The following RFPL4A variants were observed in gnomAD, a reference collection of about 807,000 sequenced individuals.
RFPL4A encodes ret finger protein like 4A.
Under a neutral mutation model 8.3 loss-of-function variants are expected in RFPL4A, and 4 were observed. The observed-to-expected ratio is 0.48, with a 90% CI of 0.24 to 1.10. The LOEUF is 1.10. Ranked by LOEUF, RFPL4A falls within the 50% of genes least tolerant of loss-of-function variation. The pLI, the probability that RFPL4A is intolerant of heterozygous loss-of-function variation, is 0.18. For missense variants in RFPL4A, 111 were observed against 358.7 expected (o/e 0.31, Z 5.58); for synonymous variants, 43 against 136.6 (o/e 0.31, Z 4.78).
chr19:55,762,003 G>A lies in RFPL4A; in HGVS notation c.203G>A (p.Arg68Lys). The A allele has an allele frequency of 6.6e-7, 1 of 1,512,050 alleles. No homozygotes were observed. The highest frequency in any genetic ancestry group is 9.0e-7 in the Non-Finnish European group (1 of 1,117,298). 93.7% of individuals were successfully genotyped at this position (1,512,050 alleles called of 1,614,324 possible). A position where few individuals can be genotyped will look rare whatever the true frequency, so the allele number is the denominator to read the frequency against. ...GACATCAAGCCCAAGTACAAGCTGA[G>A]GGCGCTGGTTTCCATCATCAAGGAA... ...KDDIKPKYKL[R>K]ALVSIIKELE... Residue 68 changes from arginine (R) to lysine (K), a missense_variant, in exon 2 of 3, where the codon AGG becomes AAG. Physicochemically the swap from Arg to Lys is conservative, Grantham distance 26. Coordinates refer to ENST00000434937, the MANE Select transcript of RFPL4A (RefSeq NM_001145014.2).
chr19:55,757,548 C>A (rs957237141), upstream of RFPL4A, among the ~76,000 whole-genome samples: 1 of 151,940 alleles, frequency 6.6e-6, no homozygotes, highest in African/African-American at 2.4e-5. Context: ...ACACAGAAGA[C>A]CCCTAAAGTA....
upstream of RFPL4A, among the ~76,000 whole-genome samples, chr19:55,757,905 A>C (rs1474114660): frequency 6.6e-6 from 1 of 152,086 alleles, no homozygotes; most frequent in African/African-American, 2.4e-5. Flanking sequence ...GGAAGCAGAT[A>C]AAAATTAAAA....
In RFPL4A at chr19:55,761,347, A is replaced by C. The variant is rs1388499984; in HGVS notation, c.-9-445A>C. On this transcript the variant is annotated intron_variant, in intron 1 of 2. Coordinates refer to ENST00000434937, the MANE Select transcript of RFPL4A (RefSeq NM_001145014.2). The stretch of plus-strand genomic sequence containing the variant: ...AGCCTAATGAATTTTAACTCAAAAT[A>C]TAATATCGTTTAACATGTGAGCAAC... Among the ~76,000 whole-genome samples the C allele has an allele frequency of 3.6e-5, 5 of 137,938 alleles. 1 individual carries two copies. The South Asian group carries it at 1.1e-3, about 32-fold the overall frequency. The allele number at this position is 137,938 out of a possible 152,430, so 90.5% of individuals were successfully genotyped here.
At chr19:55,758,421 A>T (rs1449295618), upstream of RFPL4A, among the ~76,000 whole-genome samples, 115 of 151,992 alleles carry the variant, frequency 7.6e-4, no homozygotes, top group Middle Eastern at 3.4e-3. Flanking sequence ...GATCACCTAT[A>T]ATATATTTAA....
chr19:55,760,304 G>C, intron 1 of RFPL4A, among the ~76,000 whole-genome samples: 1 of 151,498 alleles, frequency 6.6e-6, no homozygotes, highest in East Asian at 2.0e-4. Context: ...GGATGCCAGA[G>C]AGACCCCAGT....
intron 1 of RFPL4A, among the ~76,000 whole-genome samples, chr19:55,761,325 C>T (rs1989277863): frequency 7.3e-6 from 1 of 137,178 alleles, no homozygotes; most frequent in Non-Finnish European, 1.6e-5. Context: ...CAAAACAAGC[C>T]TAATGAATTT....
At chr19:55,762,327 G>A (rs71256873) in intron 2 of RFPL4A, among the ~76,000 whole-genome samples, 5,101 of 149,448 alleles carry the variant, frequency 0.034, 315 homozygotes, top group African/African-American at 0.047. Flanking sequence ...TAAATGGAAA[G>A]CTAATTTTCA....
chr19:55,761,766 A>G (rs1989287225), intron 1 of RFPL4A, 26 bp from the exon 2 acceptor site: 1 of 1,416,448 alleles, frequency 7.1e-7, no homozygotes, highest in Admixed American at 2.0e-5. Flanking sequence ...GGAAATTCTA[A>G]TTCTGTGTTC....
At position 55,762,289 on chromosome 19, in the gene RFPL4A, C is replaced by A. The variant is rs2616956; in HGVS notation, c.286+203C>A. 1.2e-3 allele frequency among the ~76,000 whole-genome samples: 179 copies of A among 150,544 alleles called. 4 individuals carry two copies. The highest frequency in any genetic ancestry group is 1.4e-3 in the Non-Finnish European group (92 of 67,762). ...TGTAGAATACTTTGGAGAGCAAGCT[C>A]CTGTCTTCTTTCTTGTATCATATGT... On this transcript the variant is annotated intron_variant, in intron 2 of 2. Transcript: ENST00000434937.
At chr19:55,757,372 A>AT (rs199634619), upstream of RFPL4A, among the ~76,000 whole-genome samples, 5 of 151,912 alleles carry the variant, frequency 3.3e-5, no homozygotes, top group Non-Finnish European at 2.9e-5. Context: ...TTAAAGTATA[A>AT]TTAAAAAAAA....
chr19:55,757,506 A>C (rs971909674), upstream of RFPL4A, among the ~76,000 whole-genome samples: 5 of 152,128 alleles, frequency 3.3e-5, no homozygotes, highest in African/African-American at 1.2e-4. Context: ...GACCTCGCTG[A>C]CTGGGATGTT....
chr19:55,761,642 T>C (rs1237409335), intron 1 of RFPL4A, 150 bp from the exon 2 acceptor site: 27 of 1,168,780 alleles, frequency 2.3e-5, no homozygotes, highest in Non-Finnish European at 3.1e-5. Context: ...TTGACATTTG[T>C]ATTCATGTTG....
At chr19:55,761,268 A>G (rs1395876468) in intron 1 of RFPL4A, among the ~76,000 whole-genome samples, 1 of 138,772 alleles carries the variant, frequency 7.2e-6, no homozygotes, top group Non-Finnish European at 1.6e-5. Context: ...AAGATAACCC[A>G]TATATGTAAT....
upstream of RFPL4A, among the ~76,000 whole-genome samples, chr19:55,757,743 C>G (rs1188152847): frequency 1.3e-5 from 2 of 152,116 alleles, no homozygotes; most frequent in African/African-American, 4.8e-5. Flanking sequence ...AAGAACTCCT[C>G]TCCCAAGACA....
chr19:55,763,237 A>T lies in RFPL4A; in HGVS notation c.*62A>T, dbSNP rs948184755. The T allele has an allele frequency of 2.2e-6, 3 of 1,391,260 alleles. No individual in the cohort carries two copies. Among genetic ancestry groups the T allele is most frequent in the Admixed American group, 4.0e-5 (2 of 50,174 alleles). The allele number at this position is 1,391,260 out of a possible 1,614,324, so 86.2% of individuals were successfully genotyped here. ...AGTGCTCCCATAGCCATAGCTAAGAACTTTTCCGCTAGATACACATAGGTA... is the reference window on the plus strand; with the variant it reads ...AGTGCTCCCATAGCCATAGCTAAGATCTTTTCCGCTAGATACACATAGGTA... On this transcript the variant is annotated 3_prime_UTR_variant, in exon 3 of 3. Transcript: ENST00000434937.
chr19:55,758,491 G>A (rs1276631835), upstream of RFPL4A, among the ~76,000 whole-genome samples: 3 of 151,740 alleles, frequency 2.0e-5, no homozygotes, highest in East Asian at 1.9e-4. Context: ...TTTTACTTAT[G>A]TTGTGATGTA....
upstream of RFPL4A, among the ~76,000 whole-genome samples, chr19:55,757,868 G>A (rs1323948869): frequency 6.6e-6 from 1 of 151,456 alleles, no homozygotes; most frequent in African/African-American, 2.4e-5. Context: ...TTCCCAAAGA[G>A]AACAGAAATT....
At chr19:55,759,440 G>C (rs538287226) in intron 1 of RFPL4A, among the ~76,000 whole-genome samples, 2 of 151,738 alleles carry the variant, frequency 1.3e-5, no homozygotes, top group African/African-American at 2.4e-5. Flanking sequence ...ACAGAGGTTC[G>C]GTGGCTGCGT....
chr19:55,760,971 T>C (rs1989268864), intron 1 of RFPL4A, among the ~76,000 whole-genome samples: 1 of 149,542 alleles, frequency 6.7e-6, no homozygotes, highest in Non-Finnish European at 1.5e-5. Context: ...TTGGATTATT[T>C]TGGCTTTTTT....
Sources: allele counts gnomAD v4.1 joint callset (sites outside exome capture counted in the v4.1 genomes callset), GRCh38; gene constraint gnomAD v4.1.1; transcripts MANE v1.5; gene names NCBI Gene and HGNC (gene_info 2026-07-23, HGNC 2026-07-21).